Variants in DSCAM observed in about 807,000 individuals in gnomAD.
The protein encoded by DSCAM is cell adhesion molecule DSCAM.
A neutral mutation model predicts 217.7 loss-of-function variants in DSCAM; 47 were observed. The ratio of observed to expected loss-of-function variants is 0.22; its 90% CI spans 0.17 to 0.28. DSCAM has a LOEUF of 0.28. Among genes scored for constraint, DSCAM ranks in the 10% least tolerant of loss-of-function variants. The pLI is 1.00. For synonymous variants in DSCAM, 1,056 were observed against 1,015.3 expected (o/e 1.04, Z -0.76); for missense variants, 2,080 against 2,618.3 (o/e 0.79, Z 4.49).
intron 3 of DSCAM, among the ~76,000 whole-genome samples, chr21:40,516,904 T>TAC (rs1215824070): frequency 9.7e-5 from 14 of 144,200 alleles, no homozygotes; most frequent in African/African-American, 3.7e-4. Context: ...TATATATATA[T>TAC]ATACACACAC....
At chr21:40,636,638 A>G (rs1472905952) in intron 3 of DSCAM, among the ~76,000 whole-genome samples, 1 of 152,134 alleles carries the variant, frequency 6.6e-6, no homozygotes, top group Non-Finnish European at 1.5e-5. Flanking sequence ...GAGGAAGGAA[A>G]TGAACATACT....
chr21:40,418,546 C>T (rs1053474172), intron 3 of DSCAM, among the ~76,000 whole-genome samples: 1 of 152,132 alleles, frequency 6.6e-6, no homozygotes, highest in African/African-American at 2.4e-5. Context: ...GCAATCAAAG[C>T]AAGCCTTCTT....
intron 8 of DSCAM, among the ~76,000 whole-genome samples, chr21:40,334,461 C>G (rs747082893): frequency 6.6e-6 from 1 of 152,080 alleles, no homozygotes. Flanking sequence ...CTAGGAAAAC[C>G]GACTGAATAG....
chr21:40,113,126 T>C (rs1202950141), intron 20 of DSCAM, among the ~76,000 whole-genome samples: 1 of 152,196 alleles, frequency 6.6e-6, no homozygotes, highest in Non-Finnish European at 1.5e-5. Context: ...AAGGGAATTT[T>C]AGACCTATAT....
chr21:40,812,705 G>A (rs2091849236), intron 1 of DSCAM, among the ~76,000 whole-genome samples: 1 of 152,166 alleles, frequency 6.6e-6, no homozygotes, highest in Non-Finnish European at 1.5e-5. Flanking sequence ...AGAAAGTTAT[G>A]GGCACACATT....
chr21:40,447,223 C>T (rs1022648353), intron 3 of DSCAM, among the ~76,000 whole-genome samples: 1 of 152,136 alleles, frequency 6.6e-6, no homozygotes, highest in Admixed American at 6.5e-5. Context: ...CAGTCTCATA[C>T]CCAAGCATGG....
chr21:40,194,670 C>T (rs1454903110), intron 11 of DSCAM, among the ~76,000 whole-genome samples: 1 of 152,204 alleles, frequency 6.6e-6, no homozygotes, highest in East Asian at 1.9e-4. Flanking sequence ...ATCCTTAATG[C>T]TCAGTAAATC....
chr21:40,267,611 T>A (rs950086173), intron 11 of DSCAM, among the ~76,000 whole-genome samples: 4 of 152,296 alleles, frequency 2.6e-5, no homozygotes, highest in Middle Eastern at 3.4e-3. Context: ...AAATCTGGAT[T>A]ATGGGCCGGG....
intron 3 of DSCAM, among the ~76,000 whole-genome samples, chr21:40,663,568 A>C (rs1011638023): frequency 6.6e-6 from 1 of 152,184 alleles, no homozygotes; most frequent in Non-Finnish European, 1.5e-5. Context: ...GACCAAGGTC[A>C]TCACCTCTGT....
At chr21:40,623,500 C>T (rs1246472731) in intron 3 of DSCAM, among the ~76,000 whole-genome samples, 2 of 152,228 alleles carry the variant, frequency 1.3e-5, no homozygotes, top group Non-Finnish European at 2.9e-5. Flanking sequence ...CTACATGCTA[C>T]TGATCTAACA....
At chr21:40,708,395 G>A (rs995284092) in intron 2 of DSCAM, 59 bp downstream of exon 2, 38 of 1,343,128 alleles carry the variant, frequency 2.8e-5, no homozygotes, top group Non-Finnish European at 9.8e-7. Context: ...ATGTGTCATT[G>A]TCATTATCCT....
At chr21:40,381,613 CA>C (rs2075026308) in intron 3 of DSCAM, among the ~76,000 whole-genome samples, 2 of 152,254 alleles carry the variant, frequency 1.3e-5, no homozygotes, top group Admixed American at 1.3e-4. Context: ...GGCTTATTGG[CA>C]AAACACATTG....
At chr21:40,808,888 G>C (rs975257683) in intron 1 of DSCAM, among the ~76,000 whole-genome samples, 1 of 152,170 alleles carries the variant, frequency 6.6e-6, no homozygotes, top group Non-Finnish European at 1.5e-5. Context: ...GACACTCTCT[G>C]CTTTGTTAGG....
chr21:40,131,155 AG>A (rs1445726351), intron 19 of DSCAM, among the ~76,000 whole-genome samples: 1 of 152,230 alleles, frequency 6.6e-6, no homozygotes, highest in Non-Finnish European at 1.5e-5. Context: ...AAAATTACAA[AG>A]CTTTCTCATT....
intron 28 of DSCAM, among the ~76,000 whole-genome samples, chr21:40,059,498 C>A (rs1355726185): frequency 6.6e-6 from 1 of 152,126 alleles, no homozygotes. Flanking sequence ...GTGATGCTGC[C>A]AGGCCAGGAA....
At chr21:40,480,459 T>C (rs1310868046) in intron 3 of DSCAM, among the ~76,000 whole-genome samples, 1 of 152,210 alleles carries the variant, frequency 6.6e-6, no homozygotes, top group Admixed American at 6.5e-5. Context: ...CACATTAAGT[T>C]CTATGCATAA....
At chr21:40,485,503 A>G (rs949618441) in intron 3 of DSCAM, among the ~76,000 whole-genome samples, 4 of 151,968 alleles carry the variant, frequency 2.6e-5, no homozygotes, top group Admixed American at 6.6e-5. Flanking sequence ...CGGCCTCCCA[A>G]AGTGCTGGGA....
intron 3 of DSCAM, among the ~76,000 whole-genome samples, chr21:40,571,746 C>T (rs2076808486): frequency 6.6e-6 from 1 of 152,056 alleles, no homozygotes; most frequent in Non-Finnish European, 1.5e-5. Context: ...TCCAAATATC[C>T]AAAATCTGAA....
chr21:40,371,409 C>T (rs948499291), intron 3 of DSCAM, among the ~76,000 whole-genome samples: 1 of 132,438 alleles, frequency 7.6e-6, no homozygotes, highest in East Asian at 2.2e-4. Context: ...GTTTGATAGA[C>T]AGAAAGGAAA....
Sources: gnomAD v4.1 joint callset for allele counts (sites outside exome capture counted in the v4.1 genomes callset) on GRCh38, gnomAD v4.1.1 for gene constraint, MANE v1.5 for transcripts, NCBI Gene and HGNC (gene_info 2026-07-23, HGNC 2026-07-21) for gene names.